The following ANTXR2 variants were observed in gnomAD, a reference collection of about 807,000 sequenced individuals.
ANTXR2 encodes anthrax toxin receptor 2.
A neutral mutation model predicts 73.7 loss-of-function variants in ANTXR2; 44 were observed. That is an observed-to-expected ratio of 0.60 (90% CI 0.47 to 0.77). The LOEUF (loss-of-function observed/expected upper bound fraction) is 0.77, where lower values mean the gene tolerates loss of function less well. Among genes scored for constraint, ANTXR2 ranks in the 30% least tolerant of loss-of-function variants. The pLI is 0.00. For synonymous variants in ANTXR2, 217 were observed against 205.9 expected (o/e 1.05, Z -0.46); for missense variants, 604 against 592.5 (o/e 1.02, Z -0.20).
intron 12 of ANTXR2, 61 bp downstream of exon 12, chr4:80,008,460 A>G: frequency 7.5e-7 from 1 of 1,334,148 alleles, no homozygotes; most frequent in Non-Finnish European, 1.0e-6. Flanking sequence ...TTCATATTTC[A>G]GACCTTACTT....
intron 16 of ANTXR2, among the ~76,000 whole-genome samples, chr4:79,928,466 C>T (rs1005051601): frequency 6.6e-6 from 1 of 152,042 alleles, no homozygotes; most frequent in Non-Finnish European, 1.5e-5. Flanking sequence ...ATATTTAATG[C>T]TACTGAATCG....
intron 7 of ANTXR2, among the ~76,000 whole-genome samples, chr4:80,042,073 A>T (rs753950013): frequency 6.6e-6 from 1 of 151,334 alleles, no homozygotes; most frequent in Non-Finnish European, 1.5e-5. Flanking sequence ...TCTTATTATT[A>T]TGTTTCTTTC....
At chr4:80,027,248 A>G (rs1732486507) in intron 10 of ANTXR2, among the ~76,000 whole-genome samples, 1 of 152,166 alleles carries the variant, frequency 6.6e-6, no homozygotes, top group African/African-American at 2.4e-5. Context: ...AGATAGAAGT[A>G]TACTTTTGGA....
chr4:80,011,612 T>C (rs1316497689), intron 11 of ANTXR2, among the ~76,000 whole-genome samples: 2 of 152,224 alleles, frequency 1.3e-5, no homozygotes, highest in Non-Finnish European at 2.9e-5. Flanking sequence ...TATAGATCTA[T>C]ATGTAATCAA....
chr4:79,927,002 C>CACATGTGCATATATGTGTGTATATAT (rs1727834059), intron 16 of ANTXR2, among the ~76,000 whole-genome samples: 1 of 100,192 alleles, frequency 1.0e-5, no homozygotes, highest in Non-Finnish European at 2.2e-5. Context: ...TGTATATATA[C>CACATGTGCATATATGTGTGTATATAT]ACGTGTGCAT....
At chr4:79,980,202 G>A (rs58036879) in intron 14 of ANTXR2, among the ~76,000 whole-genome samples, 13,894 of 152,142 alleles carry the variant, frequency 0.091, 734 homozygotes, top group Middle Eastern at 0.23. Context: ...AAATTCATTA[G>A]TTTTAGTTCA....
Position 79,950,958 on chromosome 4 carries a change from A to G in ANTXR2, c.1428+26663T>C, listed in dbSNP as rs542196588. Among the ~76,000 whole-genome samples, 17 of 152,204 alleles carry G rather than the reference A, an allele frequency of 1.1e-4. No individual in the cohort carries two copies. The East Asian group carries it at 3.3e-3, about 29-fold the overall frequency. On this transcript the variant is annotated intron_variant, in intron 16 of 16. Transcript: ENST00000403729. ...TCCCCCTTTCAACTCAGATTGTCCC[A>G]TTCTGATGGAGTGCTACTGTCTCAT...
intron 12 of ANTXR2, among the ~76,000 whole-genome samples, chr4:79,992,085 T>C (rs1338508837): frequency 6.6e-6 from 1 of 151,996 alleles, no homozygotes; most frequent in Non-Finnish European, 1.5e-5. Context: ...GTAACAATCC[T>C]GTACATGTAC....
At chr4:80,063,060 C>T (rs1415022140) in intron 3 of ANTXR2, among the ~76,000 whole-genome samples, 6 of 151,950 alleles carry the variant, frequency 3.9e-5, no homozygotes, top group Admixed American at 6.6e-5. Flanking sequence ...TGCAGGTAGG[C>T]GATAGAAGCA....
upstream of ANTXR2, chr4:80,073,234 G>C (rs1379080200): frequency 6.6e-6 from 1 of 152,606 alleles, no homozygotes; most frequent in Non-Finnish European, 1.5e-5. Context: ...GCGTGTGTCA[G>C]TGTGCGCCTG....
At chr4:80,047,931 G>A (rs1367521453) in intron 7 of ANTXR2, among the ~76,000 whole-genome samples, 1 of 151,600 alleles carries the variant, frequency 6.6e-6, no homozygotes, top group Non-Finnish European at 1.5e-5. Flanking sequence ...CTTGTCATGT[G>A]AAATCAAAAG....
At chr4:80,006,254 AT>A (rs1412005191) in intron 12 of ANTXR2, among the ~76,000 whole-genome samples, 1 of 151,982 alleles carries the variant, frequency 6.6e-6, no homozygotes, top group African/African-American at 2.4e-5. Flanking sequence ...TAAAATGTGA[AT>A]TTCCATATCA....
At chr4:79,922,193 T>C (rs1211491649) in intron 16 of ANTXR2, among the ~76,000 whole-genome samples, 1 of 152,062 alleles carries the variant, frequency 6.6e-6, no homozygotes, top group African/African-American at 2.4e-5. Flanking sequence ...ATGAAATCCC[T>C]ACTTCTATGT....
intron 16 of ANTXR2, among the ~76,000 whole-genome samples, chr4:79,974,190 T>G (rs1256970092): frequency 6.6e-6 from 1 of 152,168 alleles, no homozygotes; most frequent in Non-Finnish European, 1.5e-5. Flanking sequence ...GATGCCACAC[T>G]GAGGTTTCAA....
chr4:80,067,524 G>A (rs747858724), intron 3 of ANTXR2, among the ~76,000 whole-genome samples: 1 of 152,160 alleles, frequency 6.6e-6, no homozygotes, highest in Non-Finnish European at 1.5e-5. Context: ...ATGTTAAAAT[G>A]GTTCTTTTTT....
intron 7 of ANTXR2, among the ~76,000 whole-genome samples, chr4:80,043,394 G>C (rs1733367809): frequency 6.6e-6 from 1 of 151,922 alleles, no homozygotes; most frequent in Admixed American, 6.6e-5. Flanking sequence ...CCTTTAAAAT[G>C]TGTGGTAAAA....
rs1224193354 is a variant in ANTXR2, at chr4:79,933,008, C to A, written c.1429-25541G>T. 2.0e-5 allele frequency among the ~76,000 whole-genome samples: 3 copies of A among 151,962 alleles called. No individual in the cohort carries two copies. In the East Asian group the frequency reaches 5.8e-4, roughly 29 times the overall value. ...TTCCTTCCAAATTCTCCATCATAAG[C>A]CTATTTATTTTCTCCTTAACAATAC... is the stretch of plus-strand genomic sequence containing the variant. On this transcript the variant is annotated intron_variant, in intron 16 of 16. Transcript: ENST00000403729.
At chr4:79,982,305 A>C (rs1490305580) in intron 14 of ANTXR2, among the ~76,000 whole-genome samples, 3 of 152,166 alleles carry the variant, frequency 2.0e-5, no homozygotes, top group Non-Finnish European at 4.4e-5. Flanking sequence ...TATATAGCAT[A>C]GATTGAAAAT....
intron 7 of ANTXR2, among the ~76,000 whole-genome samples, chr4:80,052,994 G>A (rs963506752): frequency 2.6e-5 from 4 of 151,130 alleles, no homozygotes; most frequent in African/African-American, 9.7e-5. Flanking sequence ...AAATCCAAAG[G>A]AATAGCCCAG....
Sources: gnomAD v4.1 joint callset for allele counts (sites outside exome capture counted in the v4.1 genomes callset) on GRCh38, gnomAD v4.1.1 for gene constraint, MANE v1.5 for transcripts, NCBI Gene and HGNC (gene_info 2026-07-23, HGNC 2026-07-21) for gene names.